The following CPD variants were observed in gnomAD, a reference collection of about 807,000 sequenced individuals.
CPD encodes metallocarboxypeptidase D.
A neutral mutation model predicts 138.3 loss-of-function variants in CPD; 69 were observed. The observed-to-expected ratio is 0.50, with a 90% CI of 0.41 to 0.61. The LOEUF is 0.61. Ranked by LOEUF, CPD falls within the 20% of genes least tolerant of loss-of-function variation. The pLI, the probability that CPD is intolerant of heterozygous loss-of-function variation, is 0.00. For missense variants in CPD, 1,432 were observed against 1,733.3 expected (o/e 0.83, Z 3.09); for synonymous variants, 651 against 642.1 (o/e 1.01, Z -0.21).
At chr17:30,392,079 G>C (rs1030104390) in intron 2 of CPD, among the ~76,000 whole-genome samples, 1 of 146,910 alleles carries the variant, frequency 6.8e-6, no homozygotes, top group African/African-American at 2.5e-5. Flanking sequence ...GCGCAATCTC[G>C]GCTCACTGCA....
At position 30,445,688 on chromosome 17, in the gene CPD, T is replaced by C. The variant is rs1913007212; in HGVS notation, c.2544-3T>C. On this transcript the variant is annotated splice_region_variant and splice_polypyrimidine_tract_variant and intron_variant, in intron 11 of 20. Transcript: ENST00000225719. ...TGGTTCTGATCTGTCTCCTTTATCATAGGTATAATCCAGTTACCAAGAATG... is the reference window on the plus strand; with the variant it reads ...TGGTTCTGATCTGTCTCCTTTATCACAGGTATAATCCAGTTACCAAGAATG... 6.3e-7 allele frequency: 1 copy of C among 1,586,510 alleles called. No individual in the cohort carries two copies. The highest frequency in any genetic ancestry group is 8.6e-7 in the Non-Finnish European group (1 of 1,163,982).
chr17:30,406,389 T>C (rs1267768544), intron 2 of CPD, among the ~76,000 whole-genome samples: 2 of 152,152 alleles, frequency 1.3e-5, no homozygotes, highest in African/African-American at 4.8e-5. Context: ...GGATGCTAAA[T>C]GTATTTTCTT....
rs541279857 is a variant in CPD, at chr17:30,401,194, TTGC to T, written c.994+15975_994+15977del. On this transcript the variant is annotated intron_variant, in intron 2 of 20. Transcript: ENST00000225719. ...TATGGCCACTTTCAAGACTATTTTA[TTGC>T]TGCTGCTGCTGCTGCTTCTGCTTCT... Among the ~76,000 whole-genome samples the T allele has an allele frequency of 2.7e-3, 414 of 151,836 alleles. 1 individual carries two copies. The highest frequency in any genetic ancestry group is 4.0e-3 in the South Asian group (19 of 4,778).
intron 11 of CPD, among the ~76,000 whole-genome samples, chr17:30,444,439 A>C (rs1912971261): frequency 6.6e-6 from 1 of 152,144 alleles, no homozygotes; most frequent in Admixed American, 6.6e-5. Context: ...AATGCATAGA[A>C]AGAACATTTC....
At chr17:30,387,037 A>G (rs762723632) in intron 2 of CPD, among the ~76,000 whole-genome samples, 5 of 152,226 alleles carry the variant, frequency 3.3e-5, no homozygotes, top group Non-Finnish European at 7.3e-5. Flanking sequence ...TCCACAGTAG[A>G]TATACCATTT....
chr17:30,413,303 C>G (rs144449159), intron 2 of CPD, among the ~76,000 whole-genome samples: 3 of 152,308 alleles, frequency 2.0e-5, no homozygotes, highest in African/African-American at 7.2e-5. Flanking sequence ...TGACTAATAT[C>G]ATAATGACTA....
At chr17:30,412,160 C>A (rs911044300) in intron 2 of CPD, among the ~76,000 whole-genome samples, 1 of 152,174 alleles carries the variant, frequency 6.6e-6, no homozygotes, top group African/African-American at 2.4e-5. Context: ...CACTCCGGAC[C>A]CTGTTTGCCT....
chr17:30,444,110 C>A, intron 11 of CPD, 139 bp downstream of exon 11: 1 of 700,412 alleles, frequency 1.4e-6, no homozygotes, highest in East Asian at 2.6e-5. Flanking sequence ...CTGGTTATAC[C>A]TTTGACTCTC....
chr17:30,427,707 A>G, intron 7 of CPD, 149 bp downstream of exon 7: 2 of 666,150 alleles, frequency 3.0e-6, no homozygotes, highest in Admixed American at 6.1e-5. Flanking sequence ...GTCTTTTCTC[A>G]TTACTTTTTC....
intron 11 of CPD, among the ~76,000 whole-genome samples, chr17:30,444,494 A>C (rs935389454): frequency 5.3e-5 from 8 of 150,556 alleles, no homozygotes; most frequent in African/African-American, 1.7e-4. Flanking sequence ...AAAGCAATGC[A>C]GTCTATTTAA....
chr17:30,385,241 GC>G lies in CPD; in HGVS notation c.994+6del. The G allele has an allele frequency of 6.2e-7, 1 of 1,613,426 alleles. No individual in the cohort carries two copies. On this transcript the variant is annotated splice_donor_region_variant and intron_variant, in intron 2 of 20. Coordinates refer to ENST00000225719, the MANE Select transcript of CPD (RefSeq NM_001304.5). ...CACATTGGTATGATGTGGAAGGTATGCAAAGCATTGAGTTTGCTACATTTTC... is the reference window on the plus strand; with the variant it reads ...CACATTGGTATGATGTGGAAGGTATGAAAGCATTGAGTTTGCTACATTTTC...
At chr17:30,389,174 G>C (rs1434286646) in intron 2 of CPD, among the ~76,000 whole-genome samples, 1 of 152,180 alleles carries the variant, frequency 6.6e-6, no homozygotes, top group Non-Finnish European at 1.5e-5. Flanking sequence ...GCGGGCTGTG[G>C]GGGGTGGCTG....
At chr17:30,462,266 A>G (rs1913496680) in intron 19 of CPD, 104 bp from the exon 20 acceptor site, 3 of 1,076,814 alleles carry the variant, frequency 2.8e-6, no homozygotes, top group African/African-American at 3.2e-5. Context: ...TTTAGATGGC[A>G]ATGCATCATC....
At chr17:30,436,843 T>C (rs188472936) in intron 8 of CPD, among the ~76,000 whole-genome samples, 1 of 152,342 alleles carries the variant, frequency 6.6e-6, no homozygotes, top group Admixed American at 6.5e-5. Flanking sequence ...TTATTCATAA[T>C]AGCCCCAAAT....
At chr17:30,396,272 G>A (rs1040918409) in intron 2 of CPD, among the ~76,000 whole-genome samples, 1 of 152,108 alleles carries the variant, frequency 6.6e-6, no homozygotes, top group Admixed American at 6.5e-5. Flanking sequence ...ACTTTAAAAT[G>A]CTTTTCCTAT....
At chr17:30,433,965 A>T (rs533890338) in intron 8 of CPD, among the ~76,000 whole-genome samples, 1 of 152,306 alleles carries the variant, frequency 6.6e-6, no homozygotes, top group South Asian at 2.1e-4. Context: ...GAGGAAGGTG[A>T]TAATTAAACT....
intron 11 of CPD, 30 bp downstream of exon 11, chr17:30,444,001 G>T (rs1392163570): frequency 6.2e-7 from 1 of 1,607,936 alleles, no homozygotes; most frequent in African/African-American, 1.3e-5. Context: ...GAAATAGAGT[G>T]CTCGGAGGAC....
Position 30,452,186 on chromosome 17 carries a change from C to G in CPD, c.3205+340C>G, listed in dbSNP as rs376684814. ...ACGTATGTATATTGATTTGGAGAGC[C>G]CTATTTCTTATTTACTTAAATGGGA... On this transcript the variant is annotated intron_variant, in intron 14 of 20. Coordinates refer to ENST00000225719, the MANE Select transcript of CPD (RefSeq NM_001304.5). Among the ~76,000 whole-genome samples the G allele has an allele frequency of 1.6e-4, 25 of 152,140 alleles. No homozygotes were observed. The East Asian group carries it at 4.4e-3, about 27-fold the overall frequency.
chr17:30,442,830 T>C (rs1912914122), intron 10 of CPD, among the ~76,000 whole-genome samples: 1 of 152,192 alleles, frequency 6.6e-6, no homozygotes, highest in Non-Finnish European at 1.5e-5. Flanking sequence ...CTTTTTCTTG[T>C]TGCCAGTGAT....
Sources: gnomAD v4.1 joint callset for allele counts (sites outside exome capture counted in the v4.1 genomes callset) on GRCh38, gnomAD v4.1.1 for gene constraint, MANE v1.5 for transcripts, NCBI Gene and HGNC (gene_info 2026-07-23, HGNC 2026-07-21) for gene names.